CSMD1: variants seen among roughly 807,000 people sequenced by gnomAD.
CSMD1 encodes the protein CUB and Sushi multiple domains 1, also known as CUB and sushi domain-containing protein 1.
A neutral mutation model predicts 417.5 loss-of-function variants in CSMD1; 213 were observed. The observed-to-expected ratio is 0.51, with a 90% CI of 0.46 to 0.57. The LOEUF is 0.57. CSMD1 is among the 20% of genes least tolerant of loss of function. CSMD1 has a pLI of 0.00. For missense variants in CSMD1, 6,923 were observed against 4,529.7 expected (o/e 1.53, Z -15.17); for synonymous variants, 2,862 against 1,736.8 (o/e 1.65, Z -16.11).
At chr8:3,928,648 T>C (rs1809921686) in intron 5 of CSMD1, among the ~76,000 whole-genome samples, 1 of 148,100 alleles carries the variant, frequency 6.8e-6, no homozygotes, top group Non-Finnish European at 1.5e-5. Flanking sequence ...TACATGACAA[T>C]AAAAATGGTT....
intron 5 of CSMD1, among the ~76,000 whole-genome samples, chr8:3,889,254 T>A (rs1327361484): frequency 6.6e-6 from 1 of 151,722 alleles, no homozygotes; most frequent in East Asian, 1.9e-4. Context: ...TAAAGAGAGA[T>A]TTCTTAAATG....
chr8:4,441,692 A>G (rs1798491167), intron 2 of CSMD1, among the ~76,000 whole-genome samples: 1 of 152,170 alleles, frequency 6.6e-6, no homozygotes, highest in Non-Finnish European at 1.5e-5. Context: ...TATCTTTCAA[A>G]TACCAATTAA....
chr8:4,081,489 G>T (rs1800129634), intron 3 of CSMD1, among the ~76,000 whole-genome samples: 1 of 152,148 alleles, frequency 6.6e-6, no homozygotes, highest in Non-Finnish European at 1.5e-5. Flanking sequence ...TAGCCCTACA[G>T]GGAGGCTCAC....
chr8:4,279,567 C>G (rs1438250423), intron 3 of CSMD1, among the ~76,000 whole-genome samples: 1 of 152,168 alleles, frequency 6.6e-6, no homozygotes, highest in East Asian at 1.9e-4. Context: ...TACACTGATT[C>G]TGCAGACACG....
chr8:4,601,011 C>T (rs763850650), intron 2 of CSMD1, among the ~76,000 whole-genome samples: 4 of 146,590 alleles, frequency 2.7e-5, no homozygotes, highest in Non-Finnish European at 5.9e-5. Context: ...GGCTGGAGTG[C>T]AACGGTGCCA....
intron 3 of CSMD1, among the ~76,000 whole-genome samples, chr8:4,097,360 A>G (rs1005907687): frequency 4.6e-5 from 7 of 152,238 alleles, no homozygotes; most frequent in Non-Finnish European, 8.8e-5. Flanking sequence ...TGTGTAAAAG[A>G]AGAATGCTTA....
chr8:3,760,633 A>C (rs1412770713), intron 5 of CSMD1, among the ~76,000 whole-genome samples: 2 of 152,238 alleles, frequency 1.3e-5, no homozygotes, highest in Admixed American at 1.3e-4. Context: ...GACTTGAAAA[A>C]TGAAGAGTCA....
intron 3 of CSMD1, among the ~76,000 whole-genome samples, chr8:4,119,843 A>G (rs1001927162): frequency 3.3e-5 from 5 of 152,198 alleles, no homozygotes; most frequent in African/African-American, 1.2e-4. Context: ...ACGTTTGTGT[A>G]TGTTTCTGGA....
chr8:3,242,297 G>A (rs1475875225), intron 26 of CSMD1, among the ~76,000 whole-genome samples: 4 of 149,976 alleles, frequency 2.7e-5, no homozygotes, highest in Admixed American at 6.7e-5. Flanking sequence ...TGGGGAGGAA[G>A]GGAGAGGTCA....
intron 17 of CSMD1, among the ~76,000 whole-genome samples, chr8:3,391,594 T>C (rs1332477898): frequency 6.6e-6 from 1 of 152,128 alleles, no homozygotes; most frequent in Non-Finnish European, 1.5e-5. Flanking sequence ...TAAGACTGAG[T>C]GCATGAAGCA....
rs1051071924 is a variant in CSMD1 at position 4,819,689 on chromosome 8, T to C, written c.85+174643A>G. Among the ~76,000 whole-genome samples the C allele has an allele frequency of 2.0e-5, 3 of 152,122 alleles. No individual in the cohort carries two copies. In the South Asian group the frequency reaches 6.2e-4, roughly 32 times the overall value. ...CTGTCTCAGTCTTTTGTAAATTCTG[T>C]CCCAGTGTTTCTACAGAGTTCTTAC... On this transcript the variant is annotated intron_variant, in intron 1 of 69. Transcript: ENST00000635120.
At chr8:3,131,700 G>A (rs1367672719) in intron 41 of CSMD1, among the ~76,000 whole-genome samples, 2 of 152,046 alleles carry the variant, frequency 1.3e-5, no homozygotes, top group Non-Finnish European at 2.9e-5. Context: ...TTGAACTCCT[G>A]ACCTCAGGTG....
intron 6 of CSMD1, among the ~76,000 whole-genome samples, chr8:3,750,320 G>A (rs922175386): frequency 6.7e-6 from 1 of 149,704 alleles, no homozygotes. Flanking sequence ...CACTTTATAT[G>A]TATATATATA....
chr8:4,061,820 TC>T (rs1451634256), intron 3 of CSMD1, among the ~76,000 whole-genome samples: 4 of 152,220 alleles, frequency 2.6e-5, no homozygotes, highest in Non-Finnish European at 4.4e-5. Flanking sequence ...AAATGATGCT[TC>T]ACTTTAGAAG....
chr8:4,150,486 A>C (rs1585427259), intron 3 of CSMD1, among the ~76,000 whole-genome samples: 1 of 152,320 alleles, frequency 6.6e-6, no homozygotes, highest in Non-Finnish European at 1.5e-5. Flanking sequence ...AGAATTTTTC[A>C]CAACAGAGAT....
intron 2 of CSMD1, among the ~76,000 whole-genome samples, chr8:4,565,831 GCACA>G (rs1247362116): frequency 8.4e-6 from 1 of 119,022 alleles, no homozygotes; most frequent in Non-Finnish European, 1.7e-5. Flanking sequence ...ACACAGACAC[GCACA>G]CACACACAAA....
chr8:3,066,277 A>G (rs1190612352), intron 49 of CSMD1, among the ~76,000 whole-genome samples: 1 of 152,188 alleles, frequency 6.6e-6, no homozygotes, highest in Non-Finnish European at 1.5e-5. Context: ...TTTAAAACAG[A>G]TTTAGATTCA....
At chr8:4,562,944 A>G (rs1029251910) in intron 2 of CSMD1, among the ~76,000 whole-genome samples, 1 of 152,206 alleles carries the variant, frequency 6.6e-6, no homozygotes, top group African/African-American at 2.4e-5. Flanking sequence ...CTACTTTCTT[A>G]AACAGAAGTT....
intron 2 of CSMD1, among the ~76,000 whole-genome samples, chr8:4,485,286 A>G (rs1418822248): frequency 4.6e-5 from 7 of 152,220 alleles, no homozygotes; most frequent in Non-Finnish European, 1.0e-4. Flanking sequence ...CTGTCAGCTG[A>G]GAACATTTAT....
Sources: allele counts gnomAD v4.1 joint callset (sites outside exome capture counted in the v4.1 genomes callset), GRCh38; gene constraint gnomAD v4.1.1; transcripts MANE v1.5; gene names NCBI Gene and HGNC (gene_info 2026-07-23, HGNC 2026-07-21).